The following PKP2 variants were observed in gnomAD, a reference collection of about 807,000 sequenced individuals.
PKP2 encodes plakophilin 2.
PKP2 carries 73 observed loss-of-function variants against 83.4 expected under a neutral mutation model. That is an observed-to-expected ratio of 0.88 (90% confidence interval 0.72 to 1.06). The LOEUF (loss-of-function observed/expected upper bound fraction) is 1.06. PKP2 is among the 50% of genes least tolerant of loss of function. The probability of loss-of-function intolerance (pLI) is 0.00; values close to 1 mark genes in which losing one functional copy is unlikely to be tolerated. For synonymous variants in PKP2, 409 were observed against 430.4 expected (o/e 0.95, Z 0.62); for missense variants, 966 against 1,065.4 (o/e 0.91, Z 1.30).
At chr12:32,795,981 G>T (rs947158587) in intron 11 of PKP2, 128 bp downstream of exon 11, 4 of 845,876 alleles carry the variant, frequency 4.7e-6, no homozygotes, top group African/African-American at 3.3e-5. Flanking sequence ...GATCTGGCCT[G>T]GCTTTACATC....
rs1565599048 is a variant in PKP2, at chr12:32,877,979, G to A, written c.901C>T (p.Leu301=). 6.2e-7 allele frequency: 1 copy of A among 1,614,118 alleles called. No individual in the cohort carries two copies. Among genetic ancestry groups the A allele is most frequent in the Non-Finnish European group, 8.5e-7 (1 of 1,180,042 alleles). ...HQSSFHSTRT[L]REAGPSVAVD... The stretch of plus-strand genomic sequence containing the variant: ...GCGACACTGGGCCCAGCTTCCCTCA[G>A]CGTGCGGGTGCTGTGGAAGGAGCTC... The change falls in exon 3 of 13, where the codon CTG becomes TTG. Residue 301 remains leucine, a synonymous_variant. Coordinates refer to ENST00000340811, the MANE Select transcript of PKP2 (RefSeq NM_001005242.3).
At chr12:32,797,487 C>T (rs1956137728) in intron 10 of PKP2, among the ~76,000 whole-genome samples, 1 of 146,466 alleles carries the variant, frequency 6.8e-6, no homozygotes, top group Admixed American at 6.8e-5. Flanking sequence ...ACCAAAAAAC[C>T]CACGTAAGAA....
chr12:32,896,647 TGG>T lies in PKP2; in HGVS notation c.83_84del (p.Ser28Ter). ...GQQILGQLDS[S>X]SLALPSEAKL... ...TTGGCCTCGGAGGGCAGCGCCAGGC[TGG>T]AGCTGTCCAGTTGTCCCAGGATCTG... is the stretch of plus-strand genomic sequence containing the variant. On this transcript the variant is annotated frameshift_variant, in exon 1 of 13. Coordinates refer to ENST00000340811, the MANE Select transcript of PKP2 (RefSeq NM_001005242.3). LOFTEE classifies it high-confidence loss of function. The T allele has an allele frequency of 6.4e-7, 1 of 1,570,876 alleles. No homozygotes were observed. Among genetic ancestry groups the T allele is most frequent in the Non-Finnish European group, 8.6e-7 (1 of 1,167,720 alleles).
intron 6 of PKP2, among the ~76,000 whole-genome samples, chr12:32,833,060 T>C (rs1422063044): frequency 2.0e-5 from 3 of 152,076 alleles, no homozygotes; most frequent in African/African-American, 7.2e-5. Flanking sequence ...CTGGCCAATA[T>C]GGTGAAACCC....
chr12:32,866,232 G>A (rs542595314), intron 4 of PKP2, among the ~76,000 whole-genome samples: 1 of 152,150 alleles, frequency 6.6e-6, no homozygotes, highest in Admixed American at 6.5e-5. Context: ...CACTAAAGAA[G>A]ATATGTAAGT....
chr12:32,881,967 C>A (rs545202669), intron 1 of PKP2, among the ~76,000 whole-genome samples: 16 of 152,264 alleles, frequency 1.1e-4, no homozygotes, highest in African/African-American at 3.9e-4. Context: ...TAAAAAGGTT[C>A]TAATCCTGAA....
At chr12:32,834,321 G>T (rs1956526485) in intron 6 of PKP2, among the ~76,000 whole-genome samples, 1 of 152,174 alleles carries the variant, frequency 6.6e-6, no homozygotes, top group Non-Finnish European at 1.5e-5. Flanking sequence ...AATAACAATA[G>T]GGTTGGATAA....
chr12:32,885,130 C>T (rs74072965), intron 1 of PKP2, among the ~76,000 whole-genome samples: 4,114 of 152,172 alleles, frequency 0.027, 205 homozygotes, highest in African/African-American at 0.095. Flanking sequence ...AAACCAATTG[C>T]GGGGGCGGGT....
At chr12:32,841,583 T>C (rs773551398) in intron 5 of PKP2, among the ~76,000 whole-genome samples, 1 of 152,214 alleles carries the variant, frequency 6.6e-6, no homozygotes, top group Non-Finnish European at 1.5e-5. Context: ...AATGGTCCTA[T>C]TGTAACTAAA....
intron 1 of PKP2, among the ~76,000 whole-genome samples, chr12:32,890,828 C>T (rs945509769): frequency 6.6e-5 from 10 of 151,520 alleles, no homozygotes; most frequent in Non-Finnish European, 1.5e-4. Flanking sequence ...GGCTTGGTGG[C>T]GGGTGCCTGT....
In PKP2 at chr12:32,802,480, C is replaced by A. The variant is rs143503798; in HGVS notation, c.2090G>T (p.Gly697Val). ...LQHTRKMLHV[G>V]DPSVKKTAIS... is the part of the protein sequence containing the mutation. The stretch of plus-strand genomic sequence containing the variant: ...GGCTGTCTTTTTCACACTTGGGTCA[C>A]CAACATGCAGCATCTTTCGGGTGTG... The change falls in exon 10 of 13, where the codon GGT becomes GTT. Residue 697 changes from glycine to valine, a missense_variant. Gly to Val is a moderately radical substitution (Grantham distance 109, BLOSUM62 -3). Transcript: ENST00000340811. 13 of 1,614,010 alleles carry A rather than the reference C, an allele frequency of 8.1e-6. No individual in the cohort carries two copies. The African/African-American group carries it at 1.7e-4, about 22-fold the overall frequency.
intron 1 of PKP2, among the ~76,000 whole-genome samples, chr12:32,890,051 G>A (rs1413968686): frequency 7.0e-6 from 1 of 142,266 alleles, no homozygotes. Flanking sequence ...ACTCCAGCCT[G>A]GGCATAGAGC....
intron 4 of PKP2, among the ~76,000 whole-genome samples, chr12:32,858,755 A>G (rs1183430000): frequency 6.6e-6 from 1 of 152,244 alleles, no homozygotes; most frequent in Non-Finnish European, 1.5e-5. Flanking sequence ...ACTGTAAGTC[A>G]TTAAGAAAGA....
chr12:32,869,793 G>A (rs1438997936), intron 3 of PKP2, among the ~76,000 whole-genome samples: 1 of 152,170 alleles, frequency 6.6e-6, no homozygotes, highest in African/African-American at 2.4e-5. Context: ...GGCAAGGCAG[G>A]AGGATTGCCT....
chr12:32,792,787 G>A (rs6488091), intron 11 of PKP2, 56 bp from the exon 12 acceptor site: 25 of 1,377,142 alleles, frequency 1.8e-5, no homozygotes, highest in South Asian at 7.0e-5. Flanking sequence ...TTCTGGATGC[G>A]GCCTGTGGGT....
intron 4 of PKP2, 31 bp downstream of exon 4, chr12:32,868,896 C>T (rs201717347): frequency 2.6e-5 from 41 of 1,606,506 alleles, no homozygotes; most frequent in African/African-American, 1.7e-4. Context: ...AAGTGTGTTG[C>T]GCTTTGCAAT....
intron 9 of PKP2, chr12:32,820,358 G>A (rs977008245): frequency 1.3e-5 from 2 of 152,170 alleles, no homozygotes; most frequent in Non-Finnish European, 2.9e-5. Context: ...AAGAATACAA[G>A]CTTAGTTTAA....
intron 9 of PKP2, among the ~76,000 whole-genome samples, chr12:32,807,355 C>T (rs147699372): frequency 3.3e-5 from 5 of 152,062 alleles, no homozygotes; most frequent in Non-Finnish European, 4.4e-5. Flanking sequence ...GCAACCCTTG[C>T]TTTTTTCTGT....
At chr12:32,836,867 T>C (rs544866354) in intron 6 of PKP2, among the ~76,000 whole-genome samples, 2 of 152,194 alleles carry the variant, frequency 1.3e-5, no homozygotes, top group Non-Finnish European at 2.9e-5. Context: ...TGGAAATCAA[T>C]GCTACGTGAC....
Sources: gnomAD v4.1 joint callset for allele counts (sites outside exome capture counted in the v4.1 genomes callset) on GRCh38, gnomAD v4.1.1 for gene constraint, MANE v1.5 for transcripts, NCBI Gene and HGNC (gene_info 2026-07-23, HGNC 2026-07-21) for gene names.